IQCJ: variants seen among roughly 807,000 people sequenced by gnomAD.
The protein encoded by IQCJ is IQ domain-containing protein J.
A neutral mutation model predicts 11.0 loss-of-function variants in IQCJ; 9 were observed. That is an observed-to-expected ratio of 0.82 (90% CI 0.49 to 1.43). The LOEUF is 1.43. IQCJ is among the 40% of genes most tolerant of loss of function. The pLI is 0.00. For missense variants in IQCJ, 146 were observed against 133.2 expected (o/e 1.10, Z -0.47); for synonymous variants, 55 against 51.3 (o/e 1.07, Z -0.31).
At chr3:159,224,918 G>C (rs149960530) in intron 1 of IQCJ, among the ~76,000 whole-genome samples, 40 of 152,234 alleles carry the variant, frequency 2.6e-4, no homozygotes, top group African/African-American at 8.4e-4. Context: ...CAGAGAAAGA[G>C]ATTAACCCAT....
chr3:159,107,713 G>T (rs573047975), intron 1 of IQCJ, among the ~76,000 whole-genome samples: 20 of 152,200 alleles, frequency 1.3e-4, no homozygotes, highest in South Asian at 8.3e-4. Context: ...AAGTTCAGTT[G>T]GTACTCCATT....
At chr3:159,223,963 GAAATT>G (rs1725695787) in intron 1 of IQCJ, among the ~76,000 whole-genome samples, 1 of 151,522 alleles carries the variant, frequency 6.6e-6, no homozygotes, top group Non-Finnish European at 1.5e-5. Context: ...TAAAAAATCA[GAAATT>G]AAAAGCATTT....
intron 1 of IQCJ, among the ~76,000 whole-genome samples, chr3:159,088,263 A>C (rs1364988076): frequency 3.0e-4 from 45 of 152,080 alleles, no homozygotes; most frequent in South Asian, 1.2e-3. Context: ...TTCTAGTTTG[A>C]TTGCACTGTG....
At chr3:159,153,599 T>C (rs145378056) in intron 1 of IQCJ, among the ~76,000 whole-genome samples, 1 of 152,354 alleles carries the variant, frequency 6.6e-6, no homozygotes, top group Non-Finnish European at 1.5e-5. Context: ...TTATGTAAAC[T>C]GAATATTCCA....
At chr3:159,250,517 A>G (rs1727534614) in intron 2 of IQCJ, among the ~76,000 whole-genome samples, 1 of 152,190 alleles carries the variant, frequency 6.6e-6, no homozygotes, top group Non-Finnish European at 1.5e-5. Flanking sequence ...TAAAGAAAAG[A>G]GATTTAATTA....
In IQCJ at chr3:159,159,754, G is replaced by T. The variant is rs77558656; in HGVS notation, c.10-86089G>T. ...TTTGGGCCATGAGGGTGGATCCCTC[G>T]TAAATGGTTTGGTGCCATCCCCTTG... On this transcript the variant is annotated intron_variant, in intron 1 of 3. Transcript: ENST00000397832. Among the ~76,000 whole-genome samples the T allele has an allele frequency of 1.3e-3, 198 of 152,208 alleles. 1 individual carries two copies. Among genetic ancestry groups the T allele is most frequent in the African/African-American group, 4.6e-3 (190 of 41,526 alleles).
At chr3:159,147,916 A>G (rs549638178) in intron 1 of IQCJ, among the ~76,000 whole-genome samples, 11 of 152,330 alleles carry the variant, frequency 7.2e-5, no homozygotes, top group Non-Finnish European at 1.5e-4. Flanking sequence ...CTGCTAAGAT[A>G]TTCATTTATA....
At chr3:159,125,747 GACA>G (rs1719644012) in intron 1 of IQCJ, among the ~76,000 whole-genome samples, 1 of 152,164 alleles carries the variant, frequency 6.6e-6, no homozygotes, top group African/African-American at 2.4e-5. Flanking sequence ...TGGAAGATAG[GACA>G]ACATTCCAAA....
chr3:159,238,783 TG>T (rs1186803002), intron 1 of IQCJ, among the ~76,000 whole-genome samples: 1 of 152,100 alleles, frequency 6.6e-6, no homozygotes, highest in Non-Finnish European at 1.5e-5. Context: ...AAATGTCCAG[TG>T]GGCACGTGAG....
chr3:159,206,709 C>A (rs1293000615), intron 1 of IQCJ, among the ~76,000 whole-genome samples: 1 of 152,130 alleles, frequency 6.6e-6, no homozygotes, highest in Non-Finnish European at 1.5e-5. Flanking sequence ...TTAAGCTTTT[C>A]TTTTAATTCT....
intron 1 of IQCJ, among the ~76,000 whole-genome samples, chr3:159,205,928 C>G (rs546924889): frequency 1.3e-5 from 2 of 152,180 alleles, no homozygotes; most frequent in African/African-American, 4.8e-5. Flanking sequence ...CCTACCCAAC[C>G]CTGGACACCA....
intron 1 of IQCJ, among the ~76,000 whole-genome samples, chr3:159,221,398 T>G (rs550903254): frequency 2.0e-5 from 3 of 152,298 alleles, no homozygotes; most frequent in Admixed American, 2.0e-4. Flanking sequence ...AAGGGTTAAG[T>G]AAGGCTTTTC....
intron 1 of IQCJ, among the ~76,000 whole-genome samples, chr3:159,075,345 T>C (rs956776591): frequency 1.3e-5 from 2 of 152,018 alleles, no homozygotes; most frequent in East Asian, 1.9e-4. Context: ...ACAAAAAAAA[T>C]TTTTTTAAGA....
chr3:159,122,052 G>A (rs1501284), intron 1 of IQCJ, among the ~76,000 whole-genome samples: 53,825 of 151,988 alleles, frequency 0.35, 9,769 homozygotes, highest in East Asian at 0.54. Context: ...CAGGGTGCCA[G>A]CATGGTTGGG....
At chr3:159,157,152 G>A (rs1016869624) in intron 1 of IQCJ, among the ~76,000 whole-genome samples, 39 of 152,142 alleles carry the variant, frequency 2.6e-4, no homozygotes, top group African/African-American at 9.2e-4. Flanking sequence ...GTTGTGGAGA[G>A]GAGGAGGAGA....
chr3:159,194,045 G>A (rs1052578867), intron 1 of IQCJ, among the ~76,000 whole-genome samples: 6 of 152,198 alleles, frequency 3.9e-5, no homozygotes, highest in Non-Finnish European at 8.8e-5. Flanking sequence ...ATGGTTACTT[G>A]AGTAAATGGT....
At chr3:159,220,469 G>C (rs911453501) in intron 1 of IQCJ, among the ~76,000 whole-genome samples, 3 of 152,148 alleles carry the variant, frequency 2.0e-5, no homozygotes, top group Non-Finnish European at 2.9e-5. Context: ...AAGTCAACAA[G>C]AAGAGCCTCA....
intron 1 of IQCJ, among the ~76,000 whole-genome samples, chr3:159,165,184 T>C (rs1170698931): frequency 6.6e-6 from 1 of 152,232 alleles, no homozygotes; most frequent in African/African-American, 2.4e-5. Context: ...TTAATTATGA[T>C]TGAAGCATCA....
intron 1 of IQCJ, among the ~76,000 whole-genome samples, chr3:159,144,680 AC>A (rs2108188991): frequency 6.7e-6 from 1 of 150,006 alleles, no homozygotes; most frequent in African/African-American, 2.5e-5. Flanking sequence ...ACACACACAC[AC>A]ACACACACAG....
Sources: allele counts gnomAD v4.1 joint callset (sites outside exome capture counted in the v4.1 genomes callset), GRCh38; gene constraint gnomAD v4.1.1; transcripts MANE v1.5; gene names NCBI Gene and HGNC (gene_info 2026-07-23, HGNC 2026-07-21).